Variants in OPCML observed in about 807,000 individuals in gnomAD.
The protein encoded by OPCML is opioid-binding protein/cell adhesion molecule.
A neutral mutation model predicts 37.8 loss-of-function variants in OPCML; 13 were observed. That is an observed-to-expected ratio of 0.34 (90% CI 0.22 to 0.55). The LOEUF is 0.55. OPCML is among the 20% of genes least tolerant of loss of function. OPCML has a pLI of 0.91. For missense variants in OPCML, 341 were observed against 435.6 expected (o/e 0.78, Z 1.93); for synonymous variants, 176 against 168.8 (o/e 1.04, Z -0.33).
chr11:132,685,712 A>G (rs1413727932), intron 2 of OPCML, among the ~76,000 whole-genome samples: 1 of 152,214 alleles, frequency 6.6e-6, no homozygotes, highest in Admixed American at 6.5e-5. Context: ...AAAGGAAGAA[A>G]GATTTATTTG....
intron 2 of OPCML, among the ~76,000 whole-genome samples, chr11:132,803,154 A>G (rs1938777322): frequency 6.6e-6 from 1 of 152,058 alleles, no homozygotes; most frequent in Non-Finnish European, 1.5e-5. Context: ...CATTAGGAAA[A>G]CGCCATTAGC....
chr11:133,096,676 A>T (rs763579623), intron 1 of OPCML, among the ~76,000 whole-genome samples: 1 of 152,074 alleles, frequency 6.6e-6, no homozygotes, highest in African/African-American at 2.4e-5. Flanking sequence ...AAAAGTAAAG[A>T]GACAGAAGAA....
chr11:133,019,731 C>G (rs1461285353), intron 1 of OPCML, among the ~76,000 whole-genome samples: 2 of 152,130 alleles, frequency 1.3e-5, no homozygotes. Flanking sequence ...GAGAGCATCC[C>G]TGGGTATCCC....
At chr11:133,487,986 T>C (rs1296305037) in intron 1 of OPCML, among the ~76,000 whole-genome samples, 1 of 152,120 alleles carries the variant, frequency 6.6e-6, no homozygotes, top group Admixed American at 6.6e-5. Context: ...AATCAATAAA[T>C]GTGATATATC....
chr11:132,909,501 G>A (rs1238661253), intron 2 of OPCML, among the ~76,000 whole-genome samples: 1 of 152,186 alleles, frequency 6.6e-6, no homozygotes, highest in East Asian at 1.9e-4. Flanking sequence ...GAGCTTCAAG[G>A]CCAGGTGAGA....
At chr11:132,673,241 G>A (rs775808524) in intron 2 of OPCML, among the ~76,000 whole-genome samples, 1 of 152,242 alleles carries the variant, frequency 6.6e-6, no homozygotes, top group South Asian at 2.1e-4. Context: ...ACGCATGGGT[G>A]AAGATCAGAG....
At chr11:133,330,497 T>C (rs1943593533) in intron 1 of OPCML, among the ~76,000 whole-genome samples, 1 of 152,160 alleles carries the variant, frequency 6.6e-6, no homozygotes, top group African/African-American at 2.4e-5. Context: ...CATGGAATAC[T>C]ATGCAGCCAT....
intron 1 of OPCML, among the ~76,000 whole-genome samples, chr11:132,954,169 G>T (rs1591843435): frequency 1.3e-5 from 2 of 149,242 alleles, no homozygotes; most frequent in Admixed American, 1.3e-4. Context: ...GTTTGTTTTG[G>T]TGGGAGGACC....
rs184359868 is a variant in OPCML at position 132,691,625 on chromosome 11, G to A, written c.147-34306C>T. ...AGCACCTGGTGTACTCCCATGGGTA[G>A]TTTCAAGAATTCTGTGCCAACAACT... On this transcript the variant is annotated intron_variant, in intron 2 of 7. Coordinates refer to ENST00000524381, the MANE Select transcript of OPCML (RefSeq NM_001012393.5). Among the ~76,000 whole-genome samples, 69 of 152,346 alleles carry A rather than the reference G, an allele frequency of 4.5e-4. 1 individual carries two copies. The Middle Eastern group carries it at 0.02, about 45-fold the overall frequency.
chr11:132,829,484 G>C (rs139455491), intron 2 of OPCML, among the ~76,000 whole-genome samples: 3 of 152,180 alleles, frequency 2.0e-5, no homozygotes, highest in Admixed American at 1.3e-4. Context: ...GACTGAAAAC[G>C]TACATACAGA....
At chr11:132,844,429 G>T (rs1941432351) in intron 2 of OPCML, among the ~76,000 whole-genome samples, 1 of 152,186 alleles carries the variant, frequency 6.6e-6, no homozygotes, top group African/African-American at 2.4e-5. Context: ...GCTGGCTTGG[G>T]TGCATGGTGG....
intron 2 of OPCML, among the ~76,000 whole-genome samples, chr11:132,720,630 C>T (rs149377605): frequency 4.6e-5 from 7 of 152,224 alleles, no homozygotes; most frequent in African/African-American, 1.2e-4. Flanking sequence ...GCTATTTACC[C>T]GGGAATTTAT....
rs563589004 is a variant in OPCML at position 133,070,991 on chromosome 11, C to T, written c.62-127981G>A. Among the ~76,000 whole-genome samples, 233 of 152,354 alleles carry T rather than the reference C, an allele frequency of 1.5e-3. 1 individual carries two copies. Among genetic ancestry groups the T allele is most frequent in the African/African-American group, 5.3e-3 (222 of 41,576 alleles). On this transcript the variant is annotated intron_variant, in intron 1 of 7. Transcript: ENST00000524381. ...AGGCCTTTCCCAGCCACTGAGATGACTCTGGATGTTCACCTACAGAGGGAG... is the reference window on the plus strand; with the variant it reads ...AGGCCTTTCCCAGCCACTGAGATGATTCTGGATGTTCACCTACAGAGGGAG...
chr11:133,117,914 A>C (rs1381850799), intron 1 of OPCML: 1 of 985,248 alleles, frequency 1.0e-6, no homozygotes, highest in Non-Finnish European at 1.2e-6. Flanking sequence ...AATAATATTC[A>C]AAAAGATGTT....
chr11:132,869,897 T>G (rs1045108761), intron 2 of OPCML, among the ~76,000 whole-genome samples: 1 of 152,210 alleles, frequency 6.6e-6, no homozygotes, highest in Admixed American at 6.5e-5. Flanking sequence ...ATGCTTCTTA[T>G]GTTCATTTAC....
At chr11:132,872,097 G>A (rs1942818811) in intron 2 of OPCML, among the ~76,000 whole-genome samples, 1 of 152,162 alleles carries the variant, frequency 6.6e-6, no homozygotes, top group African/African-American at 2.4e-5. Flanking sequence ...TCTTCAAGGT[G>A]AGAGATTTGA....
At chr11:132,852,264 A>G (rs1396362364) in intron 2 of OPCML, among the ~76,000 whole-genome samples, 1 of 152,162 alleles carries the variant, frequency 6.6e-6, no homozygotes. Context: ...TATATGCAAA[A>G]AAACTACTGA....
intron 1 of OPCML, among the ~76,000 whole-genome samples, chr11:133,386,880 GT>G: frequency 6.6e-6 from 1 of 152,328 alleles, no homozygotes; most frequent in Non-Finnish European, 1.5e-5. Flanking sequence ...AGGGGTGTCC[GT>G]GAGGGCAGAC....
rs2096257483 is a variant in OPCML, at chr11:132,506,646, A to G, written c.505+22415T>C. Reference sequence around the variant, plus strand: ...TTACCTCCCATAGAGGAAGTGAGGAAACATTTACTCAGCTTGAATAATAAG... The same window carrying G: ...TTACCTCCCATAGAGGAAGTGAGGAGACATTTACTCAGCTTGAATAATAAG... On this transcript the variant is annotated intron_variant, in intron 4 of 7. Coordinates refer to ENST00000524381, the MANE Select transcript of OPCML (RefSeq NM_001012393.5). 3.3e-5 allele frequency among the ~76,000 whole-genome samples: 5 copies of G among 152,306 alleles called. No individual in the cohort carries two copies. The South Asian group carries it at 1.0e-3, about 32-fold the overall frequency.
Sources: gnomAD v4.1 joint callset for allele counts (sites outside exome capture counted in the v4.1 genomes callset) on GRCh38, gnomAD v4.1.1 for gene constraint, MANE v1.5 for transcripts, NCBI Gene and HGNC (gene_info 2026-07-23, HGNC 2026-07-21) for gene names.